Variants in CCDC120 observed in about 807,000 individuals in gnomAD.
CCDC120 encodes coiled-coil domain-containing protein 120.
CCDC120 carries 16 observed loss-of-function variants against 37.6 expected under a neutral mutation model. The observed-to-expected ratio is 0.43, with a 90% CI of 0.29 to 0.65. CCDC120 has a LOEUF of 0.65. CCDC120 is among the 30% of genes least tolerant of loss of function. CCDC120 has a pLI of 0.18. For missense variants in CCDC120, 650 were observed against 657.4 expected (o/e 0.99, Z 0.12); for synonymous variants, 309 against 275.4 (o/e 1.12, Z -1.21).
In CCDC120 at chrX:49,061,863, G is replaced by A. The variant is rs1818857141; in HGVS notation, c.-83-96G>A. 4 of 865,513 alleles carry A rather than the reference G, an allele frequency of 4.6e-6. No homozygotes were observed. In the South Asian group the frequency reaches 8.0e-5, roughly 17 times the overall value. The allele number at this position is 865,513 out of a possible 1,213,427, so 71.3% of individuals were successfully genotyped here. A position where few individuals can be genotyped will look rare whatever the true frequency, so the allele number is the denominator to read the frequency against. On this transcript the variant is annotated intron_variant, in intron 1 of 10. Coordinates refer to ENST00000603986, the MANE Select transcript of CCDC120 (RefSeq NM_001163321.4). ...CGGGTGGCTCTGAAGATTGAGTGTGGCATCATAGGTAACTGTTGCAGGCAC... is the reference window on the plus strand; with the variant it reads ...CGGGTGGCTCTGAAGATTGAGTGTGACATCATAGGTAACTGTTGCAGGCAC...
intron 7 of CCDC120, 40 bp from the exon 8 acceptor site, chrX:49,065,414 C>G: frequency 1.7e-6 from 2 of 1,145,123 alleles, no homozygotes; most frequent in Non-Finnish European, 2.3e-6. Flanking sequence ...CTCTGGGCCC[C>G]CCTCATTGAA....
At chrX:49,064,960 T>C (rs782375754) in intron 6 of CCDC120, 76 bp from the exon 7 acceptor site, 2 of 1,043,584 alleles carry the variant, frequency 1.9e-6, no homozygotes, top group Admixed American at 4.6e-5. Flanking sequence ...CAAGTAGAGG[T>C]GCCCACCCAG....
rs782629518 is a variant in CCDC120 at position 49,065,482 on chromosome X, C to T, written c.816C>T (p.Ala272=). 24 of 1,199,584 alleles carry T rather than the reference C, an allele frequency of 2.0e-5. No individual in the cohort carries two copies. The highest frequency in any genetic ancestry group is 1.4e-4 in the Admixed American group (6 of 43,413). The change falls in exon 8 of 11, where the codon GCC becomes GCT. Residue 272 remains alanine (A), a synonymous_variant. Transcript: ENST00000603986. ...AGCCCCATGGCTGCTTCTCTCTGGCCGAGCGCCCCTCACCACCCAAGGCTT... is the reference window on the plus strand; with the variant it reads ...AGCCCCATGGCTGCTTCTCTCTGGCTGAGCGCCCCTCACCACCCAAGGCTT... The part of the protein sequence containing the change: ...NEEPHGCFSL[A]ERPSPPKAWD...
In CCDC120 at chrX:49,068,836, T is replaced by C; in HGVS notation, c.*178T>C. The C allele has an allele frequency of 8.1e-6, 3 of 371,903 alleles. No homozygotes were observed. Among genetic ancestry groups the C allele is most frequent in the Non-Finnish European group, 1.3e-5 (3 of 236,677 alleles). 30.6% of individuals were successfully genotyped at this position (371,903 alleles called of 1,213,427 possible). A position where few individuals can be genotyped will look rare whatever the true frequency, so the allele number is the denominator to read the frequency against. On this transcript the variant is annotated 3_prime_UTR_variant, in exon 11 of 11. Coordinates refer to ENST00000603986, the MANE Select transcript of CCDC120 (RefSeq NM_001163321.4). The stretch of plus-strand genomic sequence containing the variant: ...GGAAGGTGTCTGACACCCTGCTTCT[T>C]CTCTCACACTGTGCTGGGGACTGGG...
Position 49,059,120 on chromosome X carries a change from C to T in CCDC120, c.-84+25C>T, listed in dbSNP as rs183636403. ...GGTGAGCACCTGGGAGCAGTGGGCCCAGGGTGCGAGGGGGATAAGGGCATT... is the reference window on the plus strand; with the variant it reads ...GGTGAGCACCTGGGAGCAGTGGGCCTAGGGTGCGAGGGGGATAAGGGCATT... On this transcript the variant is annotated intron_variant, in intron 1 of 10. Coordinates refer to ENST00000603986, the MANE Select transcript of CCDC120 (RefSeq NM_001163321.4). 3.0e-3 allele frequency: 339 copies of T among 112,512 alleles called. 1 individual carries two copies. Among genetic ancestry groups the T allele is most frequent in the South Asian group, 0.01 (28 of 2,667 alleles). The allele number at this position is 112,512 out of a possible 1,213,427, so 9.3% of individuals were successfully genotyped here. A position where few individuals can be genotyped will look rare whatever the true frequency, so the allele number is the denominator to read the frequency against.
chrX:49,059,578 T>C (rs939177544), intron 1 of CCDC120, among the ~76,000 whole-genome samples: 15 of 111,940 alleles, frequency 1.3e-4, no homozygotes, highest in African/African-American at 4.5e-4. Context: ...GGCCCAGACA[T>C]TGAGATTTTG....
intron 7 of CCDC120, 113 bp downstream of exon 7, chrX:49,065,211 C>A: frequency 1.2e-6 from 1 of 807,615 alleles, no homozygotes; most frequent in Non-Finnish European, 1.8e-6. Flanking sequence ...ATGCCCAGCC[C>A]CTCCTGTGCT....
rs1557080941 is a variant in CCDC120, at chrX:49,065,575, A to G, written c.909A>G (p.Ser303=). 1 of 1,211,182 alleles carries G rather than the reference A, an allele frequency of 8.3e-7. No homozygotes were observed. The highest frequency in any genetic ancestry group is 1.8e-5 in the South Asian group (1 of 56,797). ...GAACCCCATGGAAACCACCTCCATC[A>G]GATCTTTATGGGGATCTGAAGAGCC... ...ERRTPWKPPP[S]DLYGDLKSRR... Residue 303 remains serine (S), a synonymous_variant, in exon 8 of 11, where the codon TCA becomes TCG. Coordinates refer to ENST00000603986, the MANE Select transcript of CCDC120 (RefSeq NM_001163321.4).
chrX:49,067,996 CGCT>C lies in CCDC120; in HGVS notation c.1886_1888del (p.Cys629del). The C allele has an allele frequency of 8.6e-7, 1 of 1,161,868 alleles. No individual in the cohort carries two copies. ...GCCACACCCACCCTTCCTCCATGCC[CGCT>C]GCTATGAGGTGGGCCAGGCGCTGTA... On this transcript the variant is annotated inframe_deletion, in exon 10 of 11. Coordinates refer to ENST00000603986, the MANE Select transcript of CCDC120 (RefSeq NM_001163321.4).
upstream of CCDC120, among the ~76,000 whole-genome samples, chrX:49,056,411 G>A (rs2064830684): frequency 9.1e-6 from 1 of 109,747 alleles, no homozygotes; most frequent in South Asian, 3.9e-4. Context: ...GGTGGATCAC[G>A]AGGTCAGGAG....
Position 49,064,636 on chromosome X carries a change from G to T in CCDC120, c.696G>T (p.Leu232=). 8.4e-7 allele frequency: 1 copy of T among 1,193,188 alleles called. No homozygotes were observed. The highest frequency in any genetic ancestry group is 3.0e-5 in the East Asian group (1 of 33,106). The change falls in exon 6 of 11, where the codon CTG becomes CTT. Residue 232 remains leucine (L), a synonymous_variant. Transcript: ENST00000603986. ...GSVITTQGVC[L]GMRLAQLSQE... is the part of the protein sequence containing the mutation. ...TGATCACCACCCAGGGAGTCTGCCT[G>T]GGCATGCGTCTTGCTCAGCTCAGCC... is the stretch of plus-strand genomic sequence containing the variant.
Position 49,065,486 on chromosome X carries a change from C to T in CCDC120, c.820C>T (p.Arg274Cys), listed in dbSNP as rs1366838657. The change falls in exon 8 of 11, where the codon CGC becomes TGC. Residue 274 changes from arginine to cysteine, a missense_variant. By Grantham distance (180) the Arg-to-Cys change is radical. Around this residue, in one of 3 missense-constraint regions of CCDC120, gnomAD observed 576 missense variants for 565.3 expected, o/e 1.02. Transcript: ENST00000603986. ...EPHGCFSLAERPSPPKAWDQL... is the reference protein window; with the variant it reads ...EPHGCFSLAECPSPPKAWDQL... ...CCATGGCTGCTTCTCTCTGGCCGAGCGCCCCTCACCACCCAAGGCTTGGGA... is the reference window on the plus strand; with the variant it reads ...CCATGGCTGCTTCTCTCTGGCCGAGTGCCCCTCACCACCCAAGGCTTGGGA... 6 of 1,202,508 alleles carry T rather than the reference C, an allele frequency of 5.0e-6. No individual in the cohort carries two copies. Among genetic ancestry groups the T allele is most frequent in the Non-Finnish European group, 6.7e-6 (6 of 892,055 alleles).
intron 10 of CCDC120, 120 bp downstream of exon 10, chrX:49,068,210 T>A: frequency 1.8e-6 from 2 of 1,107,926 alleles, no homozygotes; most frequent in South Asian, 4.5e-5. Context: ...AACTAGCTGC[T>A]GTGATGGCAC....
chrX:49,059,619 A>C (rs1427443637), intron 1 of CCDC120, among the ~76,000 whole-genome samples: 2 of 112,491 alleles, frequency 1.8e-5, no homozygotes, highest in African/African-American at 6.5e-5. Flanking sequence ...GGATGTGGAA[A>C]TGACCCCCCA....
chrX:49,058,497 C>A (rs1314261117), upstream of CCDC120, among the ~76,000 whole-genome samples: 1 of 112,354 alleles, frequency 8.9e-6, no homozygotes. Flanking sequence ...CGAAGCCTCC[C>A]ATGTACTTTA....
Position 49,062,085 on chromosome X carries a change from T to C in CCDC120, c.44T>C (p.Ile15Thr). The stretch of plus-strand genomic sequence containing the variant: ...TACCAGGGCCAAGTGGGTCCAGACA[T>C]CCACACGGATTCTGAAAGGGCAGGT... ...PRYQGQVGPD[I>T]HTDSERTLSS... Residue 15 changes from isoleucine to threonine, a missense_variant, in exon 2 of 11, where the codon ATC (isoleucine) becomes ACC (threonine). Around this residue, in one of 3 missense-constraint regions of CCDC120, gnomAD observed 64 missense variants for 65.2 expected, o/e 0.98. Coordinates refer to ENST00000603986, the MANE Select transcript of CCDC120 (RefSeq NM_001163321.4). 3 of 1,156,954 alleles carry C rather than the reference T, an allele frequency of 2.6e-6. No homozygotes were observed. Among genetic ancestry groups the C allele is most frequent in the Non-Finnish European group, 3.4e-6 (3 of 872,887 alleles).
chrX:49,064,430 G>A lies in CCDC120; in HGVS notation c.490G>A (p.Ala164Thr), dbSNP rs782192462. The A allele has an allele frequency of 6.0e-6, 7 of 1,174,493 alleles. No homozygotes were observed. The highest frequency in any genetic ancestry group is 5.3e-5 in the African/African-American group (3 of 56,254). ...AGTGCAACAGCAGATCGCGGCGGCC[G>A]CCCGCCGCCTGGCCTTGGCCCCTGA... ...VSVQQQIAAA[A>T]RRLALAPDLS... The change falls in exon 6 of 11, where the codon GCC becomes ACC. Residue 164 changes from alanine (A) to threonine (T), a missense_variant. This residue lies in a region of CCDC120 where 576 missense variants were observed against 565.3 expected (regional missense o/e 1.02). Coordinates refer to ENST00000603986, the MANE Select transcript of CCDC120 (RefSeq NM_001163321.4).
rs2064991417 is a variant in CCDC120 at position 49,068,985 on chromosome X, A to G, written c.*327A>G. On this transcript the variant is annotated 3_prime_UTR_variant, in exon 11 of 11. Coordinates refer to ENST00000603986, the MANE Select transcript of CCDC120 (RefSeq NM_001163321.4). ...TTCCTCCAACACTAGGCGTTTTACAAAAGGGAAACTGTGATCTCATCTGGT... is the reference window on the plus strand; with the variant it reads ...TTCCTCCAACACTAGGCGTTTTACAGAAGGGAAACTGTGATCTCATCTGGT... 1 of 165,320 alleles carries G rather than the reference A, an allele frequency of 6.0e-6. No homozygotes were observed. Among genetic ancestry groups the G allele is most frequent in the Admixed American group, 8.1e-5 (1 of 12,310 alleles). The allele number at this position is 165,320 out of a possible 1,213,427, so 13.6% of individuals were successfully genotyped here.
intron 10 of CCDC120, 163 bp from the exon 11 acceptor site, chrX:49,068,381 T>C: frequency 1.9e-6 from 2 of 1,047,806 alleles, no homozygotes; most frequent in Non-Finnish European, 2.4e-6. Flanking sequence ...CTTGCTGTTT[T>C]CTTCCTTTTT....
Sources: allele counts gnomAD v4.1 joint callset (sites outside exome capture counted in the v4.1 genomes callset), GRCh38; gene constraint gnomAD v4.1.1; regional missense constraint gnomAD v4.1.1; transcripts MANE v1.5; gene names NCBI Gene and HGNC (gene_info 2026-07-23, HGNC 2026-07-21).